TRAPPC3: variants seen among roughly 807,000 people sequenced by gnomAD.
TRAPPC3 encodes trafficking protein particle complex 3.
In TRAPPC3, 5 loss-of-function variants were observed where a neutral mutation model predicts 18.2. That is an observed-to-expected ratio of 0.28 (90% CI 0.14 to 0.58). TRAPPC3 has a LOEUF of 0.58. TRAPPC3 is among the 20% of genes least tolerant of loss of function. The probability of loss-of-function intolerance (pLI) is 0.91; values close to 1 mark genes in which losing one functional copy is unlikely to be tolerated. For synonymous variants in TRAPPC3, 65 were observed against 84.2 expected (o/e 0.77, Z 1.25); for missense variants, 176 against 225.9 (o/e 0.78, Z 1.41).
At chr1:36,150,463 G>A (rs1644260051), upstream of TRAPPC3, among the ~76,000 whole-genome samples, 1 of 152,190 alleles carries the variant, frequency 6.6e-6, no homozygotes. Flanking sequence ...AGGAAGCTGG[G>A]CTGGGGGGTC....
intron 1 of TRAPPC3, among the ~76,000 whole-genome samples, chr1:36,146,230 C>T (rs757722242): frequency 2.0e-5 from 3 of 151,674 alleles, no homozygotes; most frequent in African/African-American, 7.3e-5. Flanking sequence ...AGGTGTGCAC[C>T]ACCACACCCA....
At chr1:36,149,993 C>T (rs1193848706), upstream of TRAPPC3, among the ~76,000 whole-genome samples, 1 of 152,224 alleles carries the variant, frequency 6.6e-6, no homozygotes, top group Non-Finnish European at 1.5e-5. Context: ...TCTCTTCAGA[C>T]TGCCAAACCC....
chr1:36,145,649 C>A (rs945410697), intron 1 of TRAPPC3, among the ~76,000 whole-genome samples: 2 of 152,218 alleles, frequency 1.3e-5, no homozygotes, highest in Non-Finnish European at 2.9e-5. Flanking sequence ...ACTAATAACA[C>A]ATCTAGAGGA....
intron 1 of TRAPPC3, among the ~76,000 whole-genome samples, chr1:36,146,454 GA>G (rs1557761971): frequency 6.6e-6 from 1 of 151,496 alleles, no homozygotes; most frequent in Non-Finnish European, 1.5e-5. Context: ...CCGCCACCGC[GA>G]CCGGCTAATT....
At chr1:36,152,064 C>G (rs970097024), upstream of TRAPPC3, among the ~76,000 whole-genome samples, 8 of 152,134 alleles carry the variant, frequency 5.3e-5, no homozygotes, top group African/African-American at 1.9e-4. Flanking sequence ...CCTATTCTCT[C>G]CTCTGCCCCC....
intron 1 of TRAPPC3, among the ~76,000 whole-genome samples, chr1:36,144,975 G>A (rs750294344): frequency 2.0e-5 from 3 of 152,068 alleles, no homozygotes; most frequent in South Asian, 2.1e-4. Flanking sequence ...CTTTCTTCCC[G>A]TTAGTGCCCC....
intron 1 of TRAPPC3, among the ~76,000 whole-genome samples, chr1:36,146,300 CTTTT>C (rs35602639): frequency 2.3e-5 from 3 of 130,328 alleles, no homozygotes. Flanking sequence ...GATGGTCTCT[CTTTT>C]TTTTTTTTTT....
upstream of TRAPPC3, among the ~76,000 whole-genome samples, chr1:36,152,283 A>G (rs1422550904): frequency 1.3e-5 from 2 of 148,266 alleles, no homozygotes; most frequent in Non-Finnish European, 3.0e-5. Context: ...GGATGGAAAC[A>G]TATTTCTTTT....
chr1:36,147,399 A>AGTT (rs1349487829), intron 1 of TRAPPC3, among the ~76,000 whole-genome samples: 3 of 151,912 alleles, frequency 2.0e-5, no homozygotes, highest in Non-Finnish European at 4.4e-5. Context: ...TTTGTGAAGC[A>AGTT]GAGTTGGAGG....
At chr1:36,137,415 T>A in intron 4 of TRAPPC3, 93 bp from the exon 5 acceptor site, 2 of 1,346,004 alleles carry the variant, frequency 1.5e-6, no homozygotes, top group African/African-American at 2.9e-5. Context: ...ATCCACAGCA[T>A]CCAAAAAAGG....
intron 1 of TRAPPC3, 120 bp downstream of exon 1, chr1:36,149,217 T>C (rs1039335637): frequency 1.9e-6 from 3 of 1,538,970 alleles, no homozygotes; most frequent in Non-Finnish European, 2.6e-6. Context: ...GCAAGAGGCT[T>C]CCCCTTGCCA....
chr1:36,138,980 G>A (rs1351942185), intron 3 of TRAPPC3, among the ~76,000 whole-genome samples: 1 of 141,006 alleles, frequency 7.1e-6, no homozygotes, highest in Non-Finnish European at 1.6e-5. Flanking sequence ...AGGTTGTGGT[G>A]AGCCGAGATC....
At chr1:36,138,345 C>T (rs962424238) in intron 3 of TRAPPC3, 1 of 1,239,852 alleles carries the variant, frequency 8.1e-7, no homozygotes, top group African/African-American at 1.5e-5. Flanking sequence ...GGCCCTAACC[C>T]ACTTCTCTGT....
chr1:36,149,514 C>CG, upstream of TRAPPC3: 1 of 1,120,130 alleles, frequency 8.9e-7, no homozygotes, highest in East Asian at 2.6e-5. Context: ...CGGCCTCCCG[C>CG]GGGGCACCAC....
intron 1 of TRAPPC3, 69 bp downstream of exon 1, chr1:36,149,268 C>A: frequency 6.2e-7 from 1 of 1,605,886 alleles, no homozygotes; most frequent in South Asian, 1.1e-5. Flanking sequence ...ACCTCGCGCT[C>A]GGCGCCGGGC....
At chr1:36,149,487 G>A (rs1644251400), upstream of TRAPPC3, 4 of 1,415,884 alleles carry the variant, frequency 2.8e-6, no homozygotes, top group Non-Finnish European at 3.9e-6. Context: ...GACCGGCACT[G>A]ACTCACTGCG....
At chr1:36,145,503 G>C (rs768249067) in intron 1 of TRAPPC3, among the ~76,000 whole-genome samples, 1 of 152,180 alleles carries the variant, frequency 6.6e-6, no homozygotes, top group Non-Finnish European at 1.5e-5. Context: ...TACTACGTAA[G>C]TAATGGCTCA....
chr1:36,146,974 C>T (rs1644211309), intron 1 of TRAPPC3, among the ~76,000 whole-genome samples: 2 of 152,190 alleles, frequency 1.3e-5, no homozygotes, highest in Admixed American at 1.3e-4. Context: ...TTAGATGGCT[C>T]TTGAGCCGTT....
At chr1:36,155,362 C>G (rs1401086954) in intron 1 of TRAPPC3, among the ~76,000 whole-genome samples, 2 of 152,100 alleles carry the variant, frequency 1.3e-5, no homozygotes, top group African/African-American at 4.8e-5. Context: ...AGCAGGGCTA[C>G]TTTGGGGAGT....
Sources: gnomAD v4.1 joint callset for allele counts (sites outside exome capture counted in the v4.1 genomes callset) on GRCh38, gnomAD v4.1.1 for gene constraint, MANE v1.5 for transcripts, NCBI Gene and HGNC (gene_info 2026-07-23, HGNC 2026-07-21) for gene names.